The following LRRTM4 variants were observed in gnomAD, a reference collection of about 807,000 sequenced individuals.
LRRTM4 encodes leucine-rich repeat transmembrane neuronal protein 4.
Under a neutral mutation model 47.6 loss-of-function variants are expected in LRRTM4, and 25 were observed. The ratio of observed to expected loss-of-function variants is 0.53; its 90% CI spans 0.38 to 0.73. LRRTM4 has a LOEUF of 0.73. Ranked by LOEUF, LRRTM4 falls within the 30% of genes least tolerant of loss-of-function variation. LRRTM4 has a pLI of 0.00. For missense variants in LRRTM4, 638 were observed against 713.4 expected (o/e 0.89, Z 1.20); for synonymous variants, 311 against 269.5 (o/e 1.15, Z -1.51).
chr2:77,437,917 T>C (rs540280241), intron 3 of LRRTM4, among the ~76,000 whole-genome samples: 3 of 152,152 alleles, frequency 2.0e-5, no homozygotes, highest in Admixed American at 6.5e-5. Context: ...CAGTATACTT[T>C]GTAAGTACAG....
At chr2:77,493,476 T>C (rs1020442540) in intron 3 of LRRTM4, among the ~76,000 whole-genome samples, 11 of 152,110 alleles carry the variant, frequency 7.2e-5, no homozygotes, top group African/African-American at 2.7e-4. Context: ...AAGTGATTTA[T>C]AAAACTGTAA....
In LRRTM4 at chr2:77,002,794, T is replaced by C. The variant is rs370028002; in HGVS notation, c.1552-253878A>G. ...GCTTAAAAAGTCTCTTTTTAAGAGATGCTTCTTAGAACACAGAATCTAAGC... is the reference window on the plus strand; with the variant it reads ...GCTTAAAAAGTCTCTTTTTAAGAGACGCTTCTTAGAACACAGAATCTAAGC... On this transcript the variant is annotated intron_variant, in intron 3 of 3. Coordinates refer to ENST00000409884, the MANE Select transcript of LRRTM4 (RefSeq NM_001134745.3). 1.4e-4 allele frequency among the ~76,000 whole-genome samples: 22 copies of C among 152,330 alleles called. No individual in the cohort carries two copies. In the East Asian group the frequency reaches 2.3e-3, roughly 16 times the overall value.
intron 3 of LRRTM4, among the ~76,000 whole-genome samples, chr2:77,308,076 T>C (rs1416143577): frequency 7.1e-6 from 1 of 141,062 alleles, no homozygotes; most frequent in Non-Finnish European, 1.5e-5. Context: ...CTATATAACA[T>C]ATATAGATAT....
chr2:77,042,931 A>G (rs1030293075), intron 3 of LRRTM4, among the ~76,000 whole-genome samples: 1 of 151,388 alleles, frequency 6.6e-6, no homozygotes, highest in African/African-American at 2.4e-5. Flanking sequence ...ATTAAAGCTC[A>G]ATCTAGAGTT....
rs147837146 is a variant in LRRTM4 at position 77,164,217 on chromosome 2, T to C, written c.1551+354101A>G. 8.9e-3 allele frequency among the ~76,000 whole-genome samples: 1,361 copies of C among 152,134 alleles called. 15 individuals carry two copies. Among genetic ancestry groups the C allele is most frequent in the African/African-American group, 0.031 (1,283 of 41,516 alleles). ...CAAAGATCAAAAGAGACAAAGCAGGTCATTACATAATGGTAAAGGGATCAA... is the reference window on the plus strand; with the variant it reads ...CAAAGATCAAAAGAGACAAAGCAGGCCATTACATAATGGTAAAGGGATCAA... On this transcript the variant is annotated intron_variant, in intron 3 of 3. Transcript: ENST00000409884.
intron 3 of LRRTM4, among the ~76,000 whole-genome samples, chr2:77,284,812 T>C (rs1253175376): frequency 6.6e-6 from 1 of 152,094 alleles, no homozygotes; most frequent in Non-Finnish European, 1.5e-5. Flanking sequence ...AAGGAAAGTG[T>C]ATGTTGATAA....
chr2:76,798,289 A>G (rs1031267775), intron 3 of LRRTM4, among the ~76,000 whole-genome samples: 2 of 152,182 alleles, frequency 1.3e-5, no homozygotes, highest in Non-Finnish European at 2.9e-5. Context: ...ACTCAGGATT[A>G]AGAATCTCAC....
intron 3 of LRRTM4, among the ~76,000 whole-genome samples, chr2:77,466,548 T>C (rs10204474): frequency 0.25 from 38,275 of 152,010 alleles, 5,127 homozygotes; most frequent in East Asian, 0.37. Flanking sequence ...AGCATTTAAA[T>C]GATATTTCTT....
chr2:76,806,373 G>A (rs1314192753), intron 3 of LRRTM4, among the ~76,000 whole-genome samples: 5 of 152,118 alleles, frequency 3.3e-5, no homozygotes, highest in Non-Finnish European at 5.9e-5. Context: ...CTTGAGGTCA[G>A]GAGTTCGAGA....
At chr2:77,358,118 T>C (rs1272265525) in intron 3 of LRRTM4, among the ~76,000 whole-genome samples, 2 of 152,186 alleles carry the variant, frequency 1.3e-5, no homozygotes, top group Non-Finnish European at 2.9e-5. Flanking sequence ...TTTATATTTT[T>C]AATAGTATAA....
At chr2:77,251,745 C>T (rs913534413) in intron 3 of LRRTM4, among the ~76,000 whole-genome samples, 4 of 152,160 alleles carry the variant, frequency 2.6e-5, no homozygotes, top group Admixed American at 2.6e-4. Context: ...CCCTTGCACT[C>T]ACCCACTATA....
At chr2:77,005,806 C>T (rs1354401521) in intron 3 of LRRTM4, among the ~76,000 whole-genome samples, 2 of 152,176 alleles carry the variant, frequency 1.3e-5, no homozygotes, top group Admixed American at 1.3e-4. Context: ...AAATTACTCA[C>T]TCTCAGGTAT....
intron 3 of LRRTM4, among the ~76,000 whole-genome samples, chr2:77,091,519 A>C (rs1310648620): frequency 1.3e-5 from 2 of 150,956 alleles, no homozygotes; most frequent in African/African-American, 4.9e-5. Context: ...TCTGCGCCTT[A>C]TCAACCAAAT....
chr2:77,177,598 T>C (rs1349687639), intron 3 of LRRTM4, among the ~76,000 whole-genome samples: 1 of 152,196 alleles, frequency 6.6e-6, no homozygotes, highest in Non-Finnish European at 1.5e-5. Flanking sequence ...CCCATAGTCA[T>C]GAAGAGGTGG....
intron 3 of LRRTM4, among the ~76,000 whole-genome samples, chr2:77,490,249 C>CAA (rs71381281): frequency 6.7e-6 from 1 of 149,314 alleles, no homozygotes; most frequent in Non-Finnish European, 1.5e-5. Flanking sequence ...GACTCTGTCT[C>CAA]AAAAAAAACA....
chr2:76,805,338 C>G (rs751541014), intron 3 of LRRTM4, among the ~76,000 whole-genome samples: 11 of 151,982 alleles, frequency 7.2e-5, no homozygotes, highest in Non-Finnish European at 1.0e-4. Context: ...CAGTGAAAAG[C>G]AAGGGATAAT....
chr2:76,812,773 T>TC (rs1309542735), intron 3 of LRRTM4, among the ~76,000 whole-genome samples: 2 of 53,090 alleles, frequency 3.8e-5, no homozygotes. Context: ...CTCCTCTCCC[T>TC]CCCCCTCCTC....
At chr2:77,007,056 G>T (rs1210484453) in intron 3 of LRRTM4, among the ~76,000 whole-genome samples, 3 of 151,888 alleles carry the variant, frequency 2.0e-5, no homozygotes, top group Non-Finnish European at 4.4e-5. Context: ...TGTATGAACA[G>T]TTTGAGTTAA....
chr2:76,757,703 T>A (rs990439110), intron 3 of LRRTM4, among the ~76,000 whole-genome samples: 1 of 152,130 alleles, frequency 6.6e-6, no homozygotes, highest in Non-Finnish European at 1.5e-5. Context: ...ATAGAGATGA[T>A]AGAATTTCCA....
Sources: gnomAD v4.1 joint callset for allele counts (sites outside exome capture counted in the v4.1 genomes callset) on GRCh38, gnomAD v4.1.1 for gene constraint, MANE v1.5 for transcripts, NCBI Gene and HGNC (gene_info 2026-07-23, HGNC 2026-07-21) for gene names.